Variants in CAMK1D observed in about 807,000 individuals in gnomAD.
The protein encoded by CAMK1D is calcium/calmodulin-dependent protein kinase type 1D.
CAMK1D carries 9 observed loss-of-function variants against 47.7 expected under a neutral mutation model. The ratio of observed to expected loss-of-function variants is 0.19; its 90% CI spans 0.11 to 0.33. CAMK1D has a LOEUF of 0.33. CAMK1D is among the 10% of genes least tolerant of loss of function. CAMK1D has a pLI of 1.00. For synonymous variants in CAMK1D, 184 were observed against 184.9 expected, an observed-to-expected ratio of 0.99 and a Z score of 0.04; for missense variants, 291 against 488.7, an observed-to-expected ratio of 0.60 and a Z score of 3.81.
intron 3 of CAMK1D, among the ~76,000 whole-genome samples, chr10:12,670,355 A>C (rs1021642907): frequency 6.6e-6 from 1 of 151,884 alleles, no homozygotes; most frequent in Non-Finnish European, 1.5e-5. Flanking sequence ...TCTTTCGCTC[A>C]ATCTTTATTG....
At chr10:12,407,778 T>C (rs1839491408) in intron 1 of CAMK1D, among the ~76,000 whole-genome samples, 1 of 150,504 alleles carries the variant, frequency 6.6e-6, no homozygotes, top group African/African-American at 2.5e-5. Context: ...TCTAGGTACT[T>C]CCCCCCCGGG....
At chr10:12,631,558 G>T (rs1043234840) in intron 2 of CAMK1D, among the ~76,000 whole-genome samples, 1 of 152,208 alleles carries the variant, frequency 6.6e-6, no homozygotes, top group Non-Finnish European at 1.5e-5. Context: ...TAGGGTAGAC[G>T]TGTCAGGTTA....
At chr10:12,732,337 T>C (rs1184185049) in intron 3 of CAMK1D, among the ~76,000 whole-genome samples, 1 of 152,242 alleles carries the variant, frequency 6.6e-6, no homozygotes, top group African/African-American at 2.4e-5. Flanking sequence ...GATAGGAATA[T>C]GTTAGACAGT....
At chr10:12,616,274 T>G (rs1304142508) in intron 2 of CAMK1D, among the ~76,000 whole-genome samples, 1 of 152,174 alleles carries the variant, frequency 6.6e-6, no homozygotes, top group Admixed American at 6.5e-5. Flanking sequence ...CTTGAATATT[T>G]TAGTCTTATA....
rs150881717 is a variant in CAMK1D, at chr10:12,624,337, C to T, written c.225-42399C>T. Among the ~76,000 whole-genome samples, 741 of 152,048 alleles carry T rather than the reference C, an allele frequency of 4.9e-3. 5 individuals carry two copies. The highest frequency in any genetic ancestry group is 0.017 in the African/African-American group (715 of 41,446). On this transcript the variant is annotated intron_variant, in intron 2 of 10. Coordinates refer to ENST00000619168, the MANE Select transcript of CAMK1D (RefSeq NM_153498.4). ...TGACTACAGTACAATGTTGTAAGGC[C>T]GATCTCTAGAACTTATTCATCTCGC... is the stretch of plus-strand genomic sequence containing the variant.
intron 3 of CAMK1D, among the ~76,000 whole-genome samples, chr10:12,747,400 G>A (rs531465227): frequency 1.3e-5 from 2 of 152,068 alleles, no homozygotes; most frequent in African/African-American, 4.8e-5. Context: ...TGAACTCCTG[G>A]GTGTAAACAA....
chr10:12,717,891 CAAAA>C (rs1181845465), intron 3 of CAMK1D, among the ~76,000 whole-genome samples: 2 of 52,902 alleles, frequency 3.8e-5, no homozygotes, highest in Non-Finnish European at 7.9e-5. Flanking sequence ...GAGACCCTGT[CAAAA>C]AAAAAAAAAA....
At chr10:12,390,143 G>A (rs1838671610) in intron 1 of CAMK1D, among the ~76,000 whole-genome samples, 1 of 152,036 alleles carries the variant, frequency 6.6e-6, no homozygotes, top group Non-Finnish European at 1.5e-5. Context: ...TGTACTGCAC[G>A]GTGTCCTTAT....
intron 1 of CAMK1D, among the ~76,000 whole-genome samples, chr10:12,421,387 A>T (rs1220928305): frequency 6.6e-6 from 1 of 151,818 alleles, no homozygotes; most frequent in East Asian, 1.9e-4. Flanking sequence ...TCAAACCCAG[A>T]TGTTCCCTAG....
chr10:12,761,303 C>G (rs979772079), intron 4 of CAMK1D, among the ~76,000 whole-genome samples: 4 of 152,170 alleles, frequency 2.6e-5, no homozygotes, highest in Admixed American at 6.5e-5. Flanking sequence ...GGCCACTGTT[C>G]ATGAGATTTT....
At chr10:12,587,481 TA>T (rs1837853596) in intron 2 of CAMK1D, among the ~76,000 whole-genome samples, 1 of 151,876 alleles carries the variant, frequency 6.6e-6, no homozygotes, top group African/African-American at 2.4e-5. Flanking sequence ...GGCGGCATGT[TA>T]AAACCACCTG....
intron 6 of CAMK1D, among the ~76,000 whole-genome samples, chr10:12,804,767 G>A (rs1838642590): frequency 8.8e-6 from 1 of 113,500 alleles, no homozygotes; most frequent in Non-Finnish European, 1.7e-5. Context: ...GACCCTGTCT[G>A]TACCAAAAAA....
intron 3 of CAMK1D, among the ~76,000 whole-genome samples, chr10:12,672,421 T>A (rs1487468527): frequency 6.6e-6 from 1 of 152,090 alleles, no homozygotes; most frequent in African/African-American, 2.4e-5. Flanking sequence ...GAGGCCTGAG[T>A]ACAGTGGTGC....
At chr10:12,381,347 T>C (rs1399981992) in intron 1 of CAMK1D, among the ~76,000 whole-genome samples, 19 of 151,556 alleles carry the variant, frequency 1.3e-4, no homozygotes, top group South Asian at 6.2e-4. Context: ...GCTTTCTTTT[T>C]TTTTTTTTTT....
intron 2 of CAMK1D, among the ~76,000 whole-genome samples, chr10:12,618,795 A>G (rs1434506965): frequency 6.6e-6 from 1 of 152,248 alleles, no homozygotes; most frequent in African/African-American, 2.4e-5. Context: ...TATGGGTAGT[A>G]GTAATAATAG....
intron 1 of CAMK1D, among the ~76,000 whole-genome samples, chr10:12,481,832 A>G (rs1588536963): frequency 1.3e-5 from 2 of 152,172 alleles, no homozygotes; most frequent in African/African-American, 2.4e-5. Context: ...TTGCAATGCC[A>G]TGGTCTCAGT....
At chr10:12,530,757 A>T (rs952307432) in intron 1 of CAMK1D, among the ~76,000 whole-genome samples, 1 of 152,082 alleles carries the variant, frequency 6.6e-6, no homozygotes, top group African/African-American at 2.4e-5. Flanking sequence ...AGACTGAGGT[A>T]ATCAGAAGTT....
intron 3 of CAMK1D, among the ~76,000 whole-genome samples, chr10:12,683,741 G>GGGGTGT (rs369928086): frequency 6.9e-6 from 1 of 144,876 alleles, no homozygotes; most frequent in Admixed American, 6.9e-5. Flanking sequence ...TAGGAATCCA[G>GGGGTGT]GTGTGTGTGT....
chr10:12,601,349 T>C (rs543348252), intron 2 of CAMK1D, among the ~76,000 whole-genome samples: 1 of 152,322 alleles, frequency 6.6e-6, no homozygotes, highest in South Asian at 2.1e-4. Flanking sequence ...GATAGACATA[T>C]GACATGAAAA....
Sources: gnomAD v4.1 joint callset for allele counts (sites outside exome capture counted in the v4.1 genomes callset) on GRCh38, gnomAD v4.1.1 for gene constraint, MANE v1.5 for transcripts, NCBI Gene and HGNC (gene_info 2026-07-23, HGNC 2026-07-21) for gene names.